Variants in GSK3B observed in about 807,000 individuals in gnomAD.
GSK3B encodes the protein glycogen synthase kinase-3 beta.
GSK3B carries 15 observed loss-of-function variants against 56.4 expected under a neutral mutation model. The observed-to-expected ratio is 0.27, with a 90% confidence interval of 0.18 to 0.41. The LOEUF (loss-of-function observed/expected upper bound fraction) is 0.41. Among genes scored for constraint, GSK3B ranks in the 10% least tolerant of loss-of-function variants. The pLI, the probability that GSK3B is intolerant of heterozygous loss-of-function variation, is 1.00. For missense variants in GSK3B, 300 were observed against 513.4 expected (o/e 0.58, Z 4.02); for synonymous variants, 181 against 188.9 (o/e 0.96, Z 0.34).
At chr3:119,841,995 C>G (rs1420778363) in intron 10 of GSK3B, among the ~76,000 whole-genome samples, 1 of 151,858 alleles carries the variant, frequency 6.6e-6, no homozygotes, top group East Asian at 1.9e-4. Context: ...GCATAAATAC[C>G]CTTAGGCAAA....
At chr3:120,030,884 C>T (rs2057969646) in intron 1 of GSK3B, among the ~76,000 whole-genome samples, 2 of 152,250 alleles carry the variant, frequency 1.3e-5, no homozygotes, top group Non-Finnish European at 2.9e-5. Flanking sequence ...AACCAGTGAA[C>T]AAATGTACTT....
intron 4 of GSK3B, among the ~76,000 whole-genome samples, chr3:119,916,743 A>G (rs1029766470): frequency 1.3e-5 from 2 of 152,222 alleles, no homozygotes; most frequent in African/African-American, 2.4e-5. Flanking sequence ...TCACTGCTCT[A>G]TCAAGACATC....
At position 119,822,447 on chromosome 3, in the gene GSK3B, T is replaced by TA. The variant is rs1296453993; in HGVS notation, c.*4340dup. Reference sequence around the variant, plus strand: ...AGATATAGTTAAGGAAAAAAAAACTTAAAAATTAACACAAGGAAGTCTACT... The same window carrying TA: ...AGATATAGTTAAGGAAAAAAAAACTTAAAAAATTAACACAAGGAAGTCTACT... On this transcript the variant is annotated 3_prime_UTR_variant, in exon 11 of 11. Coordinates refer to ENST00000264235, the MANE Select transcript of GSK3B (RefSeq NM_001146156.2). The TA allele has an allele frequency of 9.1e-6, 2 of 220,902 alleles. No homozygotes were observed. The highest frequency in any genetic ancestry group is 1.8e-5 in the Non-Finnish European group (2 of 110,556). 13.7% of individuals were successfully genotyped at this position (220,902 alleles called of 1,614,324 possible). A position where few individuals can be genotyped will look rare whatever the true frequency, so the allele number is the denominator to read the frequency against.
At chr3:120,059,151 CT>C (rs1307485401) in intron 1 of GSK3B, among the ~76,000 whole-genome samples, 1 of 152,034 alleles carries the variant, frequency 6.6e-6, no homozygotes, top group Non-Finnish European at 1.5e-5. Flanking sequence ...TAAACATATT[CT>C]CAGTAATTAA....
At chr3:119,994,362 A>G (rs1051485125) in intron 2 of GSK3B, among the ~76,000 whole-genome samples, 3 of 152,216 alleles carry the variant, frequency 2.0e-5, no homozygotes, top group African/African-American at 7.2e-5. Context: ...AAAGAATTAG[A>G]AAATCACCAT....
chr3:120,032,058 A>G (rs947865201), intron 1 of GSK3B, among the ~76,000 whole-genome samples: 13 of 152,250 alleles, frequency 8.5e-5, no homozygotes, highest in African/African-American at 1.9e-4. Flanking sequence ...TCTGAAATGC[A>G]TAACAGATTT....
At chr3:119,940,809 G>A (rs140441856) in intron 3 of GSK3B, among the ~76,000 whole-genome samples, 1 of 152,016 alleles carries the variant, frequency 6.6e-6, no homozygotes, top group African/African-American at 2.4e-5. Context: ...CTGCAAACTA[G>A]AAATTTAAAA....
In GSK3B at chr3:119,822,749, G is replaced by C. The variant is rs2055432789; in HGVS notation, c.*4039C>G. On this transcript the variant is annotated 3_prime_UTR_variant, in exon 11 of 11. Coordinates refer to ENST00000264235, the MANE Select transcript of GSK3B (RefSeq NM_001146156.2). Reference sequence around the variant, plus strand: ...TCCACACAGGGGAGAAAAGTGTTTGGCTCTGTGATTAGATGATCACTAACA... The same window carrying C: ...TCCACACAGGGGAGAAAAGTGTTTGCCTCTGTGATTAGATGATCACTAACA... 2 of 228,122 alleles carry C rather than the reference G, an allele frequency of 8.8e-6. No individual in the cohort carries two copies. The allele number at this position is 228,122 out of a possible 1,614,324, so 14.1% of individuals were successfully genotyped here. A position where few individuals can be genotyped will look rare whatever the true frequency, so the allele number is the denominator to read the frequency against.
chr3:119,854,650 G>A (rs2055990887), intron 9 of GSK3B, among the ~76,000 whole-genome samples: 1 of 152,166 alleles, frequency 6.6e-6, no homozygotes, highest in African/African-American at 2.4e-5. Context: ...AGTCTTGGGA[G>A]GGTGTATGTT....
At chr3:119,946,800 A>G (rs2057104561) in intron 3 of GSK3B, among the ~76,000 whole-genome samples, 1 of 152,118 alleles carries the variant, frequency 6.6e-6, no homozygotes, top group African/African-American at 2.4e-5. Flanking sequence ...ATCTTTTCCA[A>G]CTTTTTCACT....
chr3:119,979,874 T>A (rs2057443573), intron 2 of GSK3B, among the ~76,000 whole-genome samples: 1 of 152,198 alleles, frequency 6.6e-6, no homozygotes, highest in South Asian at 2.1e-4. Context: ...TCTCAAAATC[T>A]TTGTATTTGT....
At chr3:119,985,821 T>C (rs2057510671) in intron 2 of GSK3B, among the ~76,000 whole-genome samples, 1 of 152,130 alleles carries the variant, frequency 6.6e-6, no homozygotes, top group Admixed American at 6.5e-5. Flanking sequence ...CTTCACAGAA[T>C]TGGAAAAAAC....
rs542836643 is a variant in GSK3B at position 119,844,453 on chromosome 3, A to G, written c.1097-1100T>C. 1.4e-3 allele frequency among the ~76,000 whole-genome samples: 208 copies of G among 152,306 alleles called. 2 individuals are homozygous for G. The highest frequency in any genetic ancestry group is 4.2e-3 in the Admixed American group (64 of 15,304). ...ACTGCTAGCCAGATTAATAAAGGAA[A>G]GAGAGAAGAATCAAATAGACACAAT... is the stretch of plus-strand genomic sequence containing the variant. On this transcript the variant is annotated intron_variant, in intron 9 of 10. Transcript: ENST00000264235.
intron 1 of GSK3B, among the ~76,000 whole-genome samples, chr3:120,090,321 T>G (rs1255028957): frequency 6.6e-6 from 1 of 152,014 alleles, no homozygotes; most frequent in Non-Finnish European, 1.5e-5. Context: ...CATCTTTAGG[T>G]GTAGAAAAAT....
chr3:119,919,503 C>T (rs904647249), intron 4 of GSK3B, among the ~76,000 whole-genome samples: 4 of 137,282 alleles, frequency 2.9e-5, no homozygotes, highest in Middle Eastern at 4.3e-3. Context: ...CCTCTGAAAG[C>T]GCTGTGGTTA....
chr3:120,029,194 A>G, intron 1 of GSK3B: 1 of 683,626 alleles, frequency 1.5e-6, no homozygotes, highest in Non-Finnish European at 2.7e-6. Flanking sequence ...CAGAAAGGAG[A>G]TTAACAAGTG....
chr3:120,078,335 T>C (rs553318547), intron 1 of GSK3B, among the ~76,000 whole-genome samples: 116 of 152,232 alleles, frequency 7.6e-4, no homozygotes, highest in African/African-American at 2.7e-3. Context: ...CAACAAGCTA[T>C]ACAACTTATA....
At chr3:120,015,671 A>AC (rs1559877339) in intron 1 of GSK3B, among the ~76,000 whole-genome samples, 1 of 149,606 alleles carries the variant, frequency 6.7e-6, no homozygotes, top group Non-Finnish European at 1.5e-5. Context: ...AAAAAAAAAA[A>AC]AAAAAAAACT....
intron 9 of GSK3B, among the ~76,000 whole-genome samples, chr3:119,857,541 G>A (rs1482984651): frequency 6.6e-6 from 1 of 152,118 alleles, no homozygotes; most frequent in Non-Finnish European, 1.5e-5. Context: ...CACTTTTCAG[G>A]TTTCACTTTT....
Sources: gnomAD v4.1 joint callset for allele counts (sites outside exome capture counted in the v4.1 genomes callset) on GRCh38, gnomAD v4.1.1 for gene constraint, MANE v1.5 for transcripts, NCBI Gene and HGNC (gene_info 2026-07-23, HGNC 2026-07-21) for gene names.